Variants in LIN52 observed in about 807,000 individuals in gnomAD.
LIN52 encodes the protein lin-52 DREAM MuvB core complex component, also known as protein lin-52 homolog.
LIN52 carries 4 observed loss-of-function variants against 18.5 expected under a neutral mutation model. The observed-to-expected ratio is 0.22, with a 90% CI of 0.11 to 0.49. The LOEUF (loss-of-function observed/expected upper bound fraction) is 0.49, where lower values mean the gene tolerates loss of function less well. Ranked by LOEUF, LIN52 falls within the 20% of genes least tolerant of loss-of-function variation. The pLI is 0.97. For synonymous variants in LIN52, 34 were observed against 45.5 expected (o/e 0.75, Z 1.02); for missense variants, 102 against 139.5 (o/e 0.73, Z 1.35).
At chr14:74,151,349 G>T (rs2061176114) in intron 5 of LIN52, among the ~76,000 whole-genome samples, 1 of 152,158 alleles carries the variant, frequency 6.6e-6, no homozygotes, top group Non-Finnish European at 1.5e-5. Flanking sequence ...ATTCCTTTAA[G>T]TGGGAATTAT....
chr14:74,137,131 CTG>C (rs1044546013), intron 5 of LIN52, among the ~76,000 whole-genome samples: 1 of 148,454 alleles, frequency 6.7e-6, no homozygotes, highest in Non-Finnish European at 1.5e-5. Context: ...AAACCCCCCT[CTG>C]TGTGTGTATA....
chr14:74,126,052 AAAT>A (rs763731423), intron 5 of LIN52, among the ~76,000 whole-genome samples: 9,979 of 146,642 alleles, frequency 0.068, 491 homozygotes, highest in South Asian at 0.26. Flanking sequence ...AAAAAAAAAG[AAAT>A]GAGCAAAGGA....
At chr14:74,118,502 T>C (rs941544934) in intron 5 of LIN52, among the ~76,000 whole-genome samples, 5 of 152,174 alleles carry the variant, frequency 3.3e-5, no homozygotes, top group African/African-American at 4.8e-5. Context: ...CGCCTGGTGC[T>C]GTGGCTCATG....
intron 5 of LIN52, among the ~76,000 whole-genome samples, chr14:74,106,655 G>A (rs2060898758): frequency 1.3e-5 from 2 of 151,956 alleles, no homozygotes; most frequent in Admixed American, 6.6e-5. Flanking sequence ...CAGTGGTGCA[G>A]TCTTGGCTCA....
chr14:74,141,025 C>T (rs1035902024), intron 5 of LIN52, among the ~76,000 whole-genome samples: 7 of 152,128 alleles, frequency 4.6e-5, no homozygotes, highest in Non-Finnish European at 7.4e-5. Context: ...TTAACTTTTT[C>T]ATTTCAATTA....
At chr14:74,139,535 CT>C (rs573288088) in intron 5 of LIN52, among the ~76,000 whole-genome samples, 63 of 151,416 alleles carry the variant, frequency 4.2e-4, no homozygotes, top group Middle Eastern at 3.4e-3. Context: ...TCTTGCAGAC[CT>C]TTTTTTTTCC....
chr14:74,101,948 T>A (rs1023281007), intron 5 of LIN52, among the ~76,000 whole-genome samples: 4 of 152,158 alleles, frequency 2.6e-5, no homozygotes, highest in Admixed American at 6.5e-5. Context: ...AATTAAAAAA[T>A]TTTTTTTGTA....
At chr14:74,098,468 A>G (rs1262687145) in intron 4 of LIN52, among the ~76,000 whole-genome samples, 1 of 151,666 alleles carries the variant, frequency 6.6e-6, no homozygotes, top group Non-Finnish European at 1.5e-5. Flanking sequence ...GTGGCGAACA[A>G]TAGTTCCACT....
chr14:74,174,797 A>AAT (rs1166209448), intron 5 of LIN52: 2 of 151,040 alleles, frequency 1.3e-5, no homozygotes, highest in African/African-American at 2.4e-5. Context: ...TTGAAAAAAA[A>AAT]AATGGTACAC....
chr14:74,175,747 CA>C (rs1212943884), intron 5 of LIN52, among the ~76,000 whole-genome samples: 2,062 of 138,254 alleles, frequency 0.015, 15 homozygotes, highest in Middle Eastern at 0.077. Context: ...CACACACACA[CA>C]CACCCCCATT....
chr14:74,105,622 G>T (rs1595154343), intron 5 of LIN52, among the ~76,000 whole-genome samples: 1 of 151,154 alleles, frequency 6.6e-6, no homozygotes, highest in African/African-American at 2.4e-5. Flanking sequence ...TACTCTAGGG[G>T]TTGGCTTTTA....
At chr14:74,165,885 A>C (rs2061247509) in intron 5 of LIN52, among the ~76,000 whole-genome samples, 1 of 146,182 alleles carries the variant, frequency 6.8e-6, no homozygotes. Context: ...CCGATTACCT[A>C]TTTCACCAAT....
chr14:74,158,399 C>T (rs2061210052), intron 5 of LIN52, among the ~76,000 whole-genome samples: 1 of 152,162 alleles, frequency 6.6e-6, no homozygotes, highest in African/African-American at 2.4e-5. Context: ...AGGCGTGAGC[C>T]ACCGTGCGTG....
chr14:74,186,207 G>T (rs534687385), intron 5 of LIN52, among the ~76,000 whole-genome samples: 2 of 151,608 alleles, frequency 1.3e-5, no homozygotes, highest in South Asian at 4.2e-4. Flanking sequence ...CGGGAGAATC[G>T]CTTGAACCCA....
chr14:74,134,698 T>C (rs2061087909), intron 5 of LIN52, among the ~76,000 whole-genome samples: 1 of 152,156 alleles, frequency 6.6e-6, no homozygotes. Flanking sequence ...TCATATCTGC[T>C]CAAGAGTGGG....
intron 5 of LIN52, among the ~76,000 whole-genome samples, chr14:74,151,193 C>T (rs532439692): frequency 6.6e-5 from 10 of 151,964 alleles, no homozygotes; most frequent in Non-Finnish European, 1.5e-4. Context: ...CAACTTTTTT[C>T]GGTGGGAATG....
At chr14:74,159,439 T>C (rs941391055) in intron 5 of LIN52, among the ~76,000 whole-genome samples, 1 of 152,244 alleles carries the variant, frequency 6.6e-6, no homozygotes, top group African/African-American at 2.4e-5. Context: ...TGCAGTATAA[T>C]GTTACTACTT....
intron 5 of LIN52, among the ~76,000 whole-genome samples, chr14:74,168,868 C>A (rs1035653134): frequency 1.4e-4 from 21 of 151,964 alleles, no homozygotes; most frequent in Admixed American, 1.2e-3. Context: ...GTTTGAGACA[C>A]CTGGCCATCA....
chr14:74,134,192 G>A (rs957808330), intron 5 of LIN52, among the ~76,000 whole-genome samples: 7 of 152,188 alleles, frequency 4.6e-5, no homozygotes, highest in African/African-American at 1.7e-4. Flanking sequence ...GTGAATCGGA[G>A]TGGAGAGAGA....
Sources: gnomAD v4.1 joint callset for allele counts (sites outside exome capture counted in the v4.1 genomes callset) on GRCh38, gnomAD v4.1.1 for gene constraint, MANE v1.5 for transcripts, NCBI Gene and HGNC (gene_info 2026-07-23, HGNC 2026-07-21) for gene names.